FBXO38: variants seen among roughly 807,000 people sequenced by gnomAD.
The protein encoded by FBXO38 is F-box only protein 38.
Under a neutral mutation model 131.9 loss-of-function variants are expected in FBXO38, and 53 were observed. The ratio of observed to expected loss-of-function variants is 0.40; its 90% CI spans 0.32 to 0.51. FBXO38 has a LOEUF of 0.51. Ranked by LOEUF, FBXO38 falls within the 20% of genes least tolerant of loss-of-function variation. The pLI, the probability that FBXO38 is intolerant of heterozygous loss-of-function variation, is 0.53. For synonymous variants in FBXO38, 452 were observed against 505.6 expected (o/e 0.89, Z 1.42); for missense variants, 1,076 against 1,475.6 (o/e 0.73, Z 4.44).
chr5:148,419,790 G>C (rs1267893775), intron 12 of FBXO38, among the ~76,000 whole-genome samples: 2 of 152,166 alleles, frequency 1.3e-5, no homozygotes, highest in East Asian at 3.9e-4. Flanking sequence ...TTTTGGACCA[G>C]CCCCAGAATG....
rs1372929830 is a variant in FBXO38 at position 148,416,071 on chromosome 5, G to A, written c.1407+1G>A. The A allele has an allele frequency of 6.5e-7, 1 of 1,546,622 alleles. No individual in the cohort carries two copies. Among genetic ancestry groups the A allele is most frequent in the Non-Finnish European group, 8.7e-7 (1 of 1,144,846 alleles). On this transcript the variant is annotated splice_donor_variant, in intron 11 of 21. Transcript: ENST00000340253. LOFTEE classifies it high-confidence loss of function. The stretch of plus-strand genomic sequence containing the variant: ...TCAGATGTTTCGTGAACCACCCAAG[G>A]TAAGATACATTTGAGGGAGTTTTTG...
chr5:148,407,319 G>T (rs1224063863), intron 7 of FBXO38, among the ~76,000 whole-genome samples: 2 of 152,086 alleles, frequency 1.3e-5, no homozygotes, highest in African/African-American at 2.4e-5. Context: ...TTTGTATAAA[G>T]GTCCTAAAAG....
At chr5:148,437,318 C>G (rs1754398533) in intron 17 of FBXO38, among the ~76,000 whole-genome samples, 1 of 152,194 alleles carries the variant, frequency 6.6e-6, no homozygotes, top group Admixed American at 6.5e-5. Flanking sequence ...AGCTAAGAAC[C>G]ACTGGATCCT....
chr5:148,432,008 C>T (rs1754068311), intron 15 of FBXO38, among the ~76,000 whole-genome samples: 1 of 152,182 alleles, frequency 6.6e-6, no homozygotes, highest in Non-Finnish European at 1.5e-5. Flanking sequence ...CTCTGAAGTT[C>T]CCATCTGACC....
intron 1 of FBXO38, among the ~76,000 whole-genome samples, chr5:148,386,529 C>T (rs1233187060): frequency 1.3e-5 from 2 of 152,024 alleles, no homozygotes; most frequent in African/African-American, 4.8e-5. Flanking sequence ...TTGTGACCCA[C>T]AAAAAATTGA....
At chr5:148,436,914 A>G (rs1467789274) in intron 17 of FBXO38, among the ~76,000 whole-genome samples, 1 of 152,248 alleles carries the variant, frequency 6.6e-6, no homozygotes, top group Non-Finnish European at 1.5e-5. Context: ...AAGCTCAGAG[A>G]TTGTAACAGT....
At chr5:148,416,510 G>A (rs1753063448) in intron 11 of FBXO38, 1 of 166,148 alleles carries the variant, frequency 6.0e-6, no homozygotes, top group African/African-American at 2.4e-5. Flanking sequence ...AAGTTGTATA[G>A]CCTGGGAAAT....
Position 148,442,286 on chromosome 5 carries a change from T to A in FBXO38, c.*139T>A. 1 of 572,374 alleles carries A rather than the reference T, an allele frequency of 1.7e-6. No homozygotes were observed. Among genetic ancestry groups the A allele is most frequent in the Non-Finnish European group, 3.0e-6 (1 of 336,386 alleles). The allele number at this position is 572,374 out of a possible 1,614,324, so 35.5% of individuals were successfully genotyped here. ...CTATATAGGGAATATATAAGGAACA[T>A]CGAAATTGTATACAAAGATTTGTAC... On this transcript the variant is annotated 3_prime_UTR_variant, in exon 22 of 22. Transcript: ENST00000340253.
At chr5:148,406,182 C>T in intron 6 of FBXO38, 75 bp from the exon 7 acceptor site, 2 of 1,356,166 alleles carry the variant, frequency 1.5e-6, no homozygotes, top group African/African-American at 3.0e-5. Flanking sequence ...ATAAGTTATA[C>T]ATGTCTTTCA....
At position 148,402,425 on chromosome 5, in the gene FBXO38, T is replaced by C. The variant is rs377754520; in HGVS notation, c.504T>C (p.Phe168=). ...CCCATGTTCATATTTTGGGGAAATT[T>C]CGTAATCGTAATGGAGCTTTTCCAA... ...YMPHVHILGK[F]RNRNGAFPIP... Residue 168 remains phenylalanine, a synonymous_variant, in exon 5 of 22, where the codon TTT becomes TTC. Transcript: ENST00000340253. The C allele has an allele frequency of 4.6e-5, 74 of 1,613,274 alleles. No individual in the cohort carries two copies. In the African/African-American group the frequency reaches 8.8e-4, roughly 19 times the overall value.
intron 7 of FBXO38, among the ~76,000 whole-genome samples, chr5:148,406,948 A>G (rs1210256657): frequency 6.6e-6 from 1 of 152,214 alleles, no homozygotes; most frequent in Non-Finnish European, 1.5e-5. Context: ...TAAACATCTC[A>G]TTGCAGAAAA....
intron 9 of FBXO38, among the ~76,000 whole-genome samples, chr5:148,411,640 A>C (rs1752762064): frequency 6.6e-6 from 1 of 151,974 alleles, no homozygotes; most frequent in South Asian, 2.1e-4. Context: ...TTGTTTGTTT[A>C]CTTTTTTGTT....
chr5:148,421,140 G>C (rs1212125969), intron 12 of FBXO38, among the ~76,000 whole-genome samples: 1 of 151,994 alleles, frequency 6.6e-6, no homozygotes, highest in Non-Finnish European at 1.5e-5. Flanking sequence ...CTAATATTTT[G>C]TATTTTTAGC....
chr5:148,420,856 C>T (rs1561534193), intron 12 of FBXO38, among the ~76,000 whole-genome samples: 1 of 151,964 alleles, frequency 6.6e-6, no homozygotes, highest in Non-Finnish European at 1.5e-5. Flanking sequence ...GTTGGGATCT[C>T]ATATGTTGCC....
rs1271805085 is a variant in FBXO38, at chr5:148,404,833, A to G, written c.730+11A>G. On this transcript the variant is annotated intron_variant, in intron 6 of 21. Coordinates refer to ENST00000340253, the MANE Select transcript of FBXO38 (RefSeq NM_205836.3). ...TGAGGAACTGTGCAGGTAATGGTAC[A>G]CAATTATGGTGGAATTAAACATAAG... is the stretch of plus-strand genomic sequence containing the variant. 5 of 1,582,308 alleles carry G rather than the reference A, an allele frequency of 3.2e-6. No homozygotes were observed. Among genetic ancestry groups the G allele is most frequent in the African/African-American group, 1.4e-5 (1 of 72,986 alleles).
intron 3 of FBXO38, chr5:148,399,506 C>T (rs1490495853): frequency 6.0e-6 from 1 of 166,882 alleles, no homozygotes; most frequent in African/African-American, 2.4e-5. Context: ...CATAGATTTC[C>T]TCTGCAACTA....
intron 14 of FBXO38, among the ~76,000 whole-genome samples, 168 bp from the exon 15 acceptor site, chr5:148,427,045 C>T (rs1365466875): frequency 6.6e-6 from 1 of 151,964 alleles, no homozygotes; most frequent in African/African-American, 2.4e-5. Context: ...CACTAGGGAG[C>T]CATAGAGAAT....
At position 148,404,700 on chromosome 5, in the gene FBXO38, A is replaced by G; in HGVS notation, c.608A>G (p.Glu203Gly). 1 of 1,579,872 alleles carries G rather than the reference A, an allele frequency of 6.3e-7. No individual in the cohort carries two copies. Among genetic ancestry groups the G allele is most frequent in the South Asian group, 1.2e-5 (1 of 83,854 alleles). Residue 203 changes from glutamate to glycine, a missense_variant, in exon 6 of 22, where the codon GAA (glutamate) becomes GGA (glycine). Glu to Gly is a moderately conservative substitution (Grantham distance 98). Around this residue, in one of 8 missense-constraint regions of FBXO38, gnomAD observed 66 missense variants for 72.4 expected, o/e 0.91. Coordinates refer to ENST00000340253, the MANE Select transcript of FBXO38 (RefSeq NM_205836.3). Reference sequence around the variant, plus strand: ...TGTGTTTTAGGGGTGAATGTTCCTGAAATTCCTTGTATCCCAATGCTAAGG... The same window carrying G: ...TGTGTTTTAGGGGTGAATGTTCCTGGAATTCCTTGTATCCCAATGCTAAGG... ...TLHLVGVNVP[E>G]IPCIPMLRHL...
chr5:148,438,596 C>CA, intron 18 of FBXO38, 98 bp downstream of exon 18: 1 of 1,276,784 alleles, frequency 7.8e-7, no homozygotes, highest in South Asian at 1.4e-5. Context: ...GGCATTCATT[C>CA]ACTTGCCCAA....
Sources: gnomAD v4.1 joint callset for allele counts (sites outside exome capture counted in the v4.1 genomes callset) on GRCh38, gnomAD v4.1.1 for gene constraint, gnomAD v4.1.1 regional missense constraint, MANE v1.5 for transcripts, NCBI Gene and HGNC (gene_info 2026-07-23, HGNC 2026-07-21) for gene names.